The following AGBL4 variants were observed in gnomAD, a reference collection of about 807,000 sequenced individuals.
AGBL4 encodes the protein AGBL carboxypeptidase 4, also known as cytosolic carboxypeptidase 6.
A neutral mutation model predicts 66.4 loss-of-function variants in AGBL4; 58 were observed. The ratio of observed to expected loss-of-function variants is 0.87; its 90% confidence interval spans 0.71 to 1.09. The LOEUF (loss-of-function observed/expected upper bound fraction) is 1.09. Among genes scored for constraint, AGBL4 ranks in the 50% least tolerant of loss-of-function variants. The pLI is 0.00. For missense variants in AGBL4, 579 were observed against 631.0 expected (o/e 0.92, Z 0.88); for synonymous variants, 234 against 222.9 (o/e 1.05, Z -0.44).
At chr1:49,246,118 G>A (rs1651626318) in intron 3 of AGBL4, among the ~76,000 whole-genome samples, 1 of 151,850 alleles carries the variant, frequency 6.6e-6, no homozygotes, top group Non-Finnish European at 1.5e-5. Context: ...GTGTGGCCTT[G>A]CCAAGCTACT....
At chr1:49,497,556 T>C (rs543094593) in intron 3 of AGBL4, among the ~76,000 whole-genome samples, 29 of 152,182 alleles carry the variant, frequency 1.9e-4, no homozygotes, top group Admixed American at 3.9e-4. Flanking sequence ...TGAGTTTATT[T>C]TTGTACATGA....
chr1:49,425,872 C>T lies in AGBL4; in HGVS notation c.283-180008G>A, dbSNP rs182400724. On this transcript the variant is annotated intron_variant, in intron 3 of 13. Coordinates refer to ENST00000371839, the MANE Select transcript of AGBL4 (RefSeq NM_032785.4). ...TTGTCACATGGAACTGGGCTTGAAT[C>T]CAGCTTTTTTCACAAGTGATTGCTC... Among the ~76,000 whole-genome samples, 58 of 152,304 alleles carry T rather than the reference C, an allele frequency of 3.8e-4. 1 individual carries two copies. The highest frequency in any genetic ancestry group is 3.8e-3 in the Admixed American group (58 of 15,294).
chr1:49,320,834 T>C (rs1001608913), intron 3 of AGBL4, among the ~76,000 whole-genome samples: 2 of 152,118 alleles, frequency 1.3e-5, no homozygotes, highest in Non-Finnish European at 2.9e-5. Flanking sequence ...TCTTCATGGC[T>C]GGGGAGGCCT....
Position 49,530,273 on chromosome 1 carries a change from C to CAAAAAA in AGBL4, c.282+167034_282+167039dup, listed in dbSNP as rs1171374859. The stretch of plus-strand genomic sequence containing the variant: ...AGTAGAATTTGTAAAAAAAAAAAAA[C>CAAAAAA]AAAAAAAAACTCTATGAGTTTTTTT... On this transcript the variant is annotated intron_variant, in intron 3 of 13. Coordinates refer to ENST00000371839, the MANE Select transcript of AGBL4 (RefSeq NM_032785.4). Among the ~76,000 whole-genome samples, 3 of 111,952 alleles carry CAAAAAA rather than the reference C, an allele frequency of 2.7e-5. 1 individual carries two copies. The highest frequency in any genetic ancestry group is 3.6e-5 in the African/African-American group (1 of 27,736). 73.4% of individuals were successfully genotyped at this position (111,952 alleles called of 152,430 possible). A position where few individuals can be genotyped will look rare whatever the true frequency, so the allele number is the denominator to read the frequency against.
In AGBL4 at chr1:48,723,573, T is replaced by C. The variant is rs184936145; in HGVS notation, c.635-60332A>G. On this transcript the variant is annotated intron_variant, in intron 6 of 13. Coordinates refer to ENST00000371839, the MANE Select transcript of AGBL4 (RefSeq NM_032785.4). ...ATGCCCAAGTTAACACATTGGTCCA[T>C]AAGAAAACTAAACACAGAAAATGAA... Among the ~76,000 whole-genome samples the C allele has an allele frequency of 3.9e-5, 6 of 152,314 alleles. No homozygotes were observed. The East Asian group carries it at 1.2e-3, about 29-fold the overall frequency.
intron 1 of AGBL4, among the ~76,000 whole-genome samples, chr1:49,948,027 A>AAC (rs1553151825): frequency 1.3e-5 from 1 of 75,876 alleles, no homozygotes; most frequent in Non-Finnish European, 2.2e-5. Flanking sequence ...AATATATATA[A>AAC]ATATATATAC....
chr1:49,643,759 G>C (rs566082392), intron 3 of AGBL4, among the ~76,000 whole-genome samples: 1 of 151,628 alleles, frequency 6.6e-6, no homozygotes, highest in African/African-American at 2.4e-5. Context: ...CTTTGTAAAA[G>C]ACTTTACCTA....
intron 3 of AGBL4, among the ~76,000 whole-genome samples, chr1:49,373,192 T>G (rs1644402124): frequency 6.6e-6 from 1 of 152,188 alleles, no homozygotes; most frequent in Admixed American, 6.6e-5. Context: ...ATTTAGATAT[T>G]TAAATATTTT....
intron 2 of AGBL4, among the ~76,000 whole-genome samples, chr1:49,770,954 C>T (rs1644039912): frequency 1.3e-5 from 2 of 152,030 alleles, no homozygotes; most frequent in Non-Finnish European, 2.9e-5. Flanking sequence ...TTTTCAAAAA[C>T]CAACTCTTCA....
chr1:49,926,319 C>T (rs1223039620), intron 1 of AGBL4, among the ~76,000 whole-genome samples: 1 of 152,196 alleles, frequency 6.6e-6, no homozygotes, highest in Non-Finnish European at 1.5e-5. Context: ...CAGATCATTA[C>T]TAGGCTTGGG....
At chr1:49,872,506 T>TA (rs1262117370) in intron 1 of AGBL4, among the ~76,000 whole-genome samples, 1 of 152,060 alleles carries the variant, frequency 6.6e-6, no homozygotes, top group Non-Finnish European at 1.5e-5. Flanking sequence ...TGTGGCTAAG[T>TA]AAAAAATGTC....
At chr1:48,716,154 C>A (rs1647046964) in intron 6 of AGBL4, among the ~76,000 whole-genome samples, 1 of 152,322 alleles carries the variant, frequency 6.6e-6, no homozygotes, top group East Asian at 1.9e-4. Flanking sequence ...CTTGGAGTGG[C>A]AGCCACTCTG....
intron 4 of AGBL4, among the ~76,000 whole-genome samples, chr1:49,186,515 A>C (rs1162665225): frequency 6.6e-6 from 1 of 152,160 alleles, no homozygotes; most frequent in African/African-American, 2.4e-5. Flanking sequence ...TAAAATGGTG[A>C]TAATAAAACC....
chr1:50,005,575 T>C (rs1317487455), intron 1 of AGBL4, among the ~76,000 whole-genome samples: 1 of 152,110 alleles, frequency 6.6e-6, no homozygotes, highest in Admixed American at 6.5e-5. Context: ...AATAAATACC[T>C]AACTCTTCAA....
chr1:49,769,383 A>G (rs1341130277), intron 2 of AGBL4, among the ~76,000 whole-genome samples: 1 of 152,200 alleles, frequency 6.6e-6, no homozygotes, highest in Non-Finnish European at 1.5e-5. Context: ...TAAAATGGCC[A>G]TAATGCCCAA....
At chr1:49,588,927 A>C (rs142267599) in intron 3 of AGBL4, among the ~76,000 whole-genome samples, 156 of 149,728 alleles carry the variant, frequency 1.0e-3, no homozygotes, top group African/African-American at 3.8e-3. Context: ...ACTATGCTTC[A>C]TTTATGTTAG....
At chr1:49,937,279 A>G (rs1339795927) in intron 1 of AGBL4, among the ~76,000 whole-genome samples, 1 of 152,188 alleles carries the variant, frequency 6.6e-6, no homozygotes, top group Non-Finnish European at 1.5e-5. Flanking sequence ...CAATTCAACA[A>G]GAAGAGCTAA....
chr1:48,994,329 C>T (rs549131233), intron 5 of AGBL4, among the ~76,000 whole-genome samples: 2 of 152,126 alleles, frequency 1.3e-5, no homozygotes, highest in Non-Finnish European at 2.9e-5. Flanking sequence ...TTAAAACTTC[C>T]TGGATGTTTC....
chr1:49,446,940 T>C (rs1276273998), intron 3 of AGBL4, among the ~76,000 whole-genome samples: 2 of 152,064 alleles, frequency 1.3e-5, no homozygotes, highest in African/African-American at 4.8e-5. Context: ...ACAGCACACA[T>C]AGTGAGGCAG....
Sources: gnomAD v4.1 joint callset for allele counts (sites outside exome capture counted in the v4.1 genomes callset) on GRCh38, gnomAD v4.1.1 for gene constraint, MANE v1.5 for transcripts, NCBI Gene and HGNC (gene_info 2026-07-23, HGNC 2026-07-21) for gene names.